ABHD10: variants seen among roughly 807,000 people sequenced by gnomAD.
The protein encoded by ABHD10 is abhydrolase domain containing 10, depalmitoylase.
In ABHD10, 22 loss-of-function variants were observed where a neutral mutation model predicts 33.1. The observed-to-expected ratio is 0.66, with a 90% CI of 0.47 to 0.95. ABHD10 has a LOEUF of 0.95. Ranked by LOEUF, ABHD10 falls within the 40% of genes least tolerant of loss-of-function variation. The probability of loss-of-function intolerance (pLI) is 0.00; values close to 1 mark genes in which losing one functional copy is unlikely to be tolerated. For synonymous variants in ABHD10, 146 were observed against 133.9 expected, an observed-to-expected ratio of 1.09 and a Z score of -0.62; for missense variants, 352 against 379.9, an observed-to-expected ratio of 0.93 and a Z score of 0.61.
At chr3:111,984,480 C>T (rs2107710861) in intron 2 of ABHD10, among the ~76,000 whole-genome samples, 1 of 152,076 alleles carries the variant, frequency 6.6e-6, no homozygotes, top group East Asian at 1.9e-4. Context: ...ATGTGAAACA[C>T]ATAAGAAAAC....
chr3:111,991,973 A>G lies in ABHD10; in HGVS notation c.*252A>G. 1 of 347,108 alleles carries G rather than the reference A, an allele frequency of 2.9e-6. No homozygotes were observed. The allele number at this position is 347,108 out of a possible 1,614,324, so 21.5% of individuals were successfully genotyped here. A position where few individuals can be genotyped will look rare whatever the true frequency, so the allele number is the denominator to read the frequency against. The stretch of plus-strand genomic sequence containing the variant: ...AAGTATTTCCTTTTTTTAATTCAAG[A>G]AAAGTTTACCTTTCTTATGCTTATG... On this transcript the variant is annotated 3_prime_UTR_variant, in exon 5 of 5. Transcript: ENST00000273359.
chr3:111,984,647 A>G (rs568408396), intron 2 of ABHD10, among the ~76,000 whole-genome samples: 2 of 152,336 alleles, frequency 1.3e-5, no homozygotes, highest in African/African-American at 2.4e-5. Context: ...TAATGGTTCA[A>G]AAAAACAGGC....
chr3:111,991,957 C>CT lies in ABHD10; in HGVS notation c.*243dup, dbSNP rs1234924322. 2 of 382,592 alleles carry CT rather than the reference C, an allele frequency of 5.2e-6. No homozygotes were observed. Among genetic ancestry groups the CT allele is most frequent in the African/African-American group, 2.1e-5 (1 of 47,240 alleles). 23.7% of individuals were successfully genotyped at this position (382,592 alleles called of 1,614,324 possible). A position where few individuals can be genotyped will look rare whatever the true frequency, so the allele number is the denominator to read the frequency against. On this transcript the variant is annotated 3_prime_UTR_variant, in exon 5 of 5. Transcript: ENST00000273359. Reference sequence around the variant, plus strand: ...TGATTTTTTTTCATTAAAGTATTTCCTTTTTTTAATTCAAGAAAAGTTTAC... The same window carrying CT: ...TGATTTTTTTTCATTAAAGTATTTCCTTTTTTTTAATTCAAGAAAAGTTTAC...
rs374821255 is a variant in ABHD10 at position 111,981,820 on chromosome 3, G to T, written c.179G>T (p.Arg60Leu). ...RQKTSLSFLN[R>L]PDLPNLAYKK... ...AAGACGTCACTCTCATTCCTTAATCGACCAGACCTTCCAAACCTGGCTTAT... is the reference window on the plus strand; with the variant it reads ...AAGACGTCACTCTCATTCCTTAATCTACCAGACCTTCCAAACCTGGCTTAT... The change falls in exon 2 of 5, where the codon CGA becomes CTA. Residue 60 changes from arginine to leucine, a missense_variant. Coordinates refer to ENST00000273359, the MANE Select transcript of ABHD10 (RefSeq NM_018394.4). 6.3e-7 allele frequency: 1 copy of T among 1,594,056 alleles called. No homozygotes were observed. Among genetic ancestry groups the T allele is most frequent in the South Asian group, 1.1e-5 (1 of 87,744 alleles).
intron 2 of ABHD10, among the ~76,000 whole-genome samples, chr3:111,983,987 A>G (rs1273519556): frequency 6.6e-6 from 1 of 152,108 alleles, no homozygotes; most frequent in East Asian, 1.9e-4. Context: ...GTACCCTGTT[A>G]GTATCACCAA....
chr3:111,984,226 C>G (rs2072623872), intron 2 of ABHD10, among the ~76,000 whole-genome samples: 1 of 152,156 alleles, frequency 6.6e-6, no homozygotes, highest in Non-Finnish European at 1.5e-5. Flanking sequence ...CTGATTTAGA[C>G]TGCACCAGTT....
At chr3:111,981,689 T>C in intron 1 of ABHD10, 95 bp from the exon 2 acceptor site, 1 of 1,118,362 alleles carries the variant, frequency 8.9e-7, no homozygotes, top group South Asian at 2.3e-5. Context: ...TTAACATCAA[T>C]TCATTGAGAT....
chr3:111,985,636 C>T (rs575174872), intron 2 of ABHD10, among the ~76,000 whole-genome samples: 1 of 129,646 alleles, frequency 7.7e-6, no homozygotes, highest in African/African-American at 2.5e-5. Flanking sequence ...GAAAGCAGCA[C>T]AGTTTTAATA....
chr3:111,979,260 C>A, intron 1 of ABHD10, 57 bp downstream of exon 1: 2 of 1,541,662 alleles, frequency 1.3e-6, no homozygotes, highest in Admixed American at 1.9e-5. Flanking sequence ...CGGGTTCCGT[C>A]AGTTACCGTG....
intron 3 of ABHD10, 63 bp from the exon 4 acceptor site, chr3:111,986,851 T>G (rs1248245172): frequency 8.2e-7 from 1 of 1,222,982 alleles, no homozygotes; most frequent in Non-Finnish European, 1.1e-6. Context: ...GTACATATTT[T>G]GTTTTATGTT....
At chr3:111,986,451 T>TGTTTTG in intron 3 of ABHD10, 76 bp downstream of exon 3, 5 of 1,211,330 alleles carry the variant, frequency 4.1e-6, no homozygotes, top group East Asian at 2.5e-5. Context: ...TGTTTTGTTT[T>TGTTTTG]TTGAGATGGA....
intron 4 of ABHD10, chr3:111,990,614 A>G (rs929997266): frequency 2.1e-6 from 1 of 484,478 alleles, no homozygotes; most frequent in Non-Finnish European, 3.5e-6. Flanking sequence ...GAATAAATAT[A>G]CAGATATTAT....
At position 111,979,164 on chromosome 3, in the gene ABHD10, C is replaced by T; in HGVS notation, c.103C>T (p.Leu35Phe). 6.2e-7 allele frequency: 1 copy of T among 1,611,826 alleles called. No individual in the cohort carries two copies. Among genetic ancestry groups the T allele is most frequent in the Non-Finnish European group, 8.5e-7 (1 of 1,178,620 alleles). The change falls in exon 1 of 5, where the codon CTT becomes TTT. Residue 35 changes from leucine to phenylalanine, a missense_variant. Coordinates refer to ENST00000273359, the MANE Select transcript of ABHD10 (RefSeq NM_018394.4). ...FGPHRGLSVL[L>F]ARIPQRAPRW... ...TCCCCACCGTGGCCTCAGCGTGCTG[C>T]TTGCACGGATACCTCAGCGGGCGCC...
chr3:111,986,003 CTT>C (rs1308728524), intron 2 of ABHD10, among the ~76,000 whole-genome samples: 2 of 152,088 alleles, frequency 1.3e-5, no homozygotes, highest in East Asian at 3.8e-4. Context: ...AAACAGGAGA[CTT>C]TTTAGGAGAC....
rs540877638 is a variant in ABHD10, at chr3:111,992,204, A to G, written c.*483A>G. ...GCATAATAAAGTTCACAATAAGGAT[A>G]ATACTTTATATAATGTATAAAGTAT... On this transcript the variant is annotated 3_prime_UTR_variant, in exon 5 of 5. Transcript: ENST00000273359. The G allele has an allele frequency of 8.4e-4, 126 of 149,504 alleles. No individual in the cohort carries two copies. Among genetic ancestry groups the G allele is most frequent in the Non-Finnish European group, 1.7e-3 (113 of 68,036 alleles). The allele number at this position is 149,504 out of a possible 1,614,324, so 9.3% of individuals were successfully genotyped here. A position where few individuals can be genotyped will look rare whatever the true frequency, so the allele number is the denominator to read the frequency against.
At position 111,981,183 on chromosome 3, in the gene ABHD10, A is replaced by G. The variant is rs578131863; in HGVS notation, c.143-601A>G. Among the ~76,000 whole-genome samples, 5 of 152,092 alleles carry G rather than the reference A, an allele frequency of 3.3e-5. No homozygotes were observed. In the South Asian group the frequency reaches 1.0e-3, roughly 32 times the overall value. On this transcript the variant is annotated intron_variant, in intron 1 of 4. Coordinates refer to ENST00000273359, the MANE Select transcript of ABHD10 (RefSeq NM_018394.4). Reference sequence around the variant, plus strand: ...ACCAGGTGTGGTGGTACATGCGTGTAGTGCAGCTACTGGGGAGGCTGAGGT... The same window carrying G: ...ACCAGGTGTGGTGGTACATGCGTGTGGTGCAGCTACTGGGGAGGCTGAGGT...
intron 4 of ABHD10, chr3:111,990,672 C>T (rs1330987191): frequency 8.2e-7 from 1 of 1,226,688 alleles, no homozygotes; most frequent in South Asian, 1.7e-5. Context: ...TCATCCAGAA[C>T]AAAAATCAAA....
chr3:111,981,478 C>T (rs2072584490), intron 1 of ABHD10, among the ~76,000 whole-genome samples: 1 of 150,538 alleles, frequency 6.6e-6, no homozygotes, highest in African/African-American at 2.5e-5. Flanking sequence ...AAAGCAGTAA[C>T]AAGAAAATGT....
chr3:111,992,823 A>G lies in ABHD10; in HGVS notation c.*1102A>G, dbSNP rs1398780203. The G allele has an allele frequency of 6.6e-6, 1 of 152,228 alleles. No homozygotes were observed. Among genetic ancestry groups the G allele is most frequent in the Non-Finnish European group, 1.5e-5 (1 of 68,042 alleles). The allele number at this position is 152,228 out of a possible 1,614,324, so 9.4% of individuals were successfully genotyped here. On this transcript the variant is annotated 3_prime_UTR_variant, in exon 5 of 5. Coordinates refer to ENST00000273359, the MANE Select transcript of ABHD10 (RefSeq NM_018394.4). ...AGATAGTAAACCTGGTTCAAAGTACAATTCAAGAAACTGAGTATTTATGGG... is the reference window on the plus strand; with the variant it reads ...AGATAGTAAACCTGGTTCAAAGTACGATTCAAGAAACTGAGTATTTATGGG...
Sources: gnomAD v4.1 joint callset for allele counts (sites outside exome capture counted in the v4.1 genomes callset) on GRCh38, gnomAD v4.1.1 for gene constraint, MANE v1.5 for transcripts, NCBI Gene and HGNC (gene_info 2026-07-23, HGNC 2026-07-21) for gene names.